Variants in PSD3 observed in about 807,000 individuals in gnomAD.
The protein encoded by PSD3 is PH and SEC7 domain-containing protein 3.
PSD3 carries 49 observed loss-of-function variants against 105.5 expected under a neutral mutation model. The observed-to-expected ratio is 0.46, with a 90% CI of 0.37 to 0.59. The LOEUF is 0.59. Among genes scored for constraint, PSD3 ranks in the 20% least tolerant of loss-of-function variants. The probability of loss-of-function intolerance (pLI) is 0.00; values close to 1 mark genes in which losing one functional copy is unlikely to be tolerated. For missense variants in PSD3, 1,561 were observed against 1,263.8 expected, an observed-to-expected ratio of 1.24 and a Z score of -3.57; for synonymous variants, 557 against 457.8, an observed-to-expected ratio of 1.22 and a Z score of -2.77.
At chr8:18,813,823 G>A (rs1259246492) in intron 4 of PSD3, among the ~76,000 whole-genome samples, 2 of 152,168 alleles carry the variant, frequency 1.3e-5, no homozygotes, top group Admixed American at 1.3e-4. Context: ...TTGTGAAGAT[G>A]AGATGAGAAG....
chr8:18,901,257 G>T lies in PSD3; in HGVS notation c.131-28524C>A, dbSNP rs573303374. 3.9e-5 allele frequency among the ~76,000 whole-genome samples: 6 copies of T among 152,196 alleles called. No homozygotes were observed. The South Asian group carries it at 1.2e-3, about 32-fold the overall frequency. ...CAAAAAATTAAACAACATATTTATTGTTTAAAATATTTGAATATAAGTGGA... is the reference window on the plus strand; with the variant it reads ...CAAAAAATTAAACAACATATTTATTTTTTAAAATATTTGAATATAAGTGGA... On this transcript the variant is annotated intron_variant, in intron 2 of 15. Coordinates refer to ENST00000327040, the MANE Select transcript of PSD3 (RefSeq NM_015310.4).
At chr8:18,603,878 C>T (rs958262277) in intron 11 of PSD3, among the ~76,000 whole-genome samples, 1 of 152,298 alleles carries the variant, frequency 6.6e-6, no homozygotes, top group East Asian at 1.9e-4. Context: ...TTTCCTGAGG[C>T]CTTCCCAGAA....
At chr8:18,595,961 C>A (rs1404758291) in intron 12 of PSD3, among the ~76,000 whole-genome samples, 1 of 152,006 alleles carries the variant, frequency 6.6e-6, no homozygotes, top group African/African-American at 2.4e-5. Flanking sequence ...ATATTCTTCT[C>A]AAGTGCACAT....
At chr8:18,705,366 C>T (rs886918438) in intron 9 of PSD3, among the ~76,000 whole-genome samples, 13 of 151,310 alleles carry the variant, frequency 8.6e-5, no homozygotes, top group African/African-American at 3.2e-4. Context: ...GGTGCCTATA[C>T]AAAAAAATAG....
chr8:18,893,443 G>A (rs578077043), intron 2 of PSD3, among the ~76,000 whole-genome samples: 9 of 152,212 alleles, frequency 5.9e-5, no homozygotes, highest in Non-Finnish European at 8.8e-5. Flanking sequence ...TTGATTTCCA[G>A]CTAGCCTTTG....
At chr8:19,057,624 T>C (rs73206442) in intron 1 of PSD3, among the ~76,000 whole-genome samples, 9,608 of 152,214 alleles carry the variant, frequency 0.063, 425 homozygotes, top group Middle Eastern at 0.17. Flanking sequence ...GGGACCCTGC[T>C]AAACATTTGC....
chr8:18,919,223 C>G (rs1056474523), intron 2 of PSD3, among the ~76,000 whole-genome samples: 1 of 152,178 alleles, frequency 6.6e-6, no homozygotes, highest in African/African-American at 2.4e-5. Context: ...CCCTTTCAAA[C>G]AAGCTGACTG....
At position 18,613,129 on chromosome 8, in the gene PSD3, A is replaced by C. The variant is rs560991203; in HGVS notation, c.2411-12695T>G. 3.9e-5 allele frequency among the ~76,000 whole-genome samples: 6 copies of C among 152,124 alleles called. No individual in the cohort carries two copies. In the South Asian group the frequency reaches 1.0e-3, roughly 26 times the overall value. On this transcript the variant is annotated intron_variant, in intron 11 of 15. Transcript: ENST00000327040. The stretch of plus-strand genomic sequence containing the variant: ...CATTTTTTTCAGGAAAAATATAAAC[A>C]CCAGTGATAGAGACAGGAGGCAGCC...
intron 8 of PSD3, among the ~76,000 whole-genome samples, chr8:18,770,888 T>G (rs9644613): frequency 0.025 from 3,735 of 152,202 alleles, 160 homozygotes; most frequent in East Asian, 0.14. Context: ...AGAAAAGAGG[T>G]TGCACAAACA....
At chr8:19,037,614 G>A (rs1827987300) in intron 1 of PSD3, among the ~76,000 whole-genome samples, 2 of 152,288 alleles carry the variant, frequency 1.3e-5, no homozygotes, top group Middle Eastern at 3.4e-3. Flanking sequence ...GTCCAGTTTG[G>A]TGAGGGCCTG....
At chr8:18,677,405 C>G (rs1384604954) in intron 9 of PSD3, among the ~76,000 whole-genome samples, 17 of 151,972 alleles carry the variant, frequency 1.1e-4, no homozygotes, top group African/African-American at 4.1e-4. Flanking sequence ...TGGCAAAAAC[C>G]CATCTCTATT....
intron 9 of PSD3, among the ~76,000 whole-genome samples, chr8:18,731,262 C>CA (rs1396359944): frequency 6.6e-6 from 1 of 151,964 alleles, no homozygotes; most frequent in East Asian, 1.9e-4. Flanking sequence ...GTCTCAAAAA[C>CA]AAAAAACAAA....
chr8:18,742,629 TAA>T (rs1246874544), intron 9 of PSD3, among the ~76,000 whole-genome samples: 2 of 152,202 alleles, frequency 1.3e-5, no homozygotes, highest in African/African-American at 4.8e-5. Context: ...CATCACCACC[TAA>T]AGATTAAAAA....
chr8:18,655,474 G>C (rs1037590618), intron 10 of PSD3, among the ~76,000 whole-genome samples, 168 bp downstream of exon 10: 1 of 152,092 alleles, frequency 6.6e-6, no homozygotes, highest in South Asian at 2.1e-4. Flanking sequence ...GGTTTTACTT[G>C]TATCTGGGTT....
intron 1 of PSD3, among the ~76,000 whole-genome samples, chr8:18,945,935 T>G (rs557211793): frequency 2.7e-4 from 41 of 152,170 alleles, no homozygotes; most frequent in Non-Finnish European, 5.7e-4. Context: ...GATCGCGCCA[T>G]GCACTCCAGC....
At chr8:18,909,947 C>A (rs537367290) in intron 2 of PSD3, among the ~76,000 whole-genome samples, 138 of 152,152 alleles carry the variant, frequency 9.1e-4, no homozygotes, top group Non-Finnish European at 1.5e-3. Context: ...CTGGAAGTTA[C>A]AGCGAAAGGA....
In PSD3 at chr8:18,748,616, C is replaced by A. The variant is rs575473459; in HGVS notation, c.2172+16833G>T. On this transcript the variant is annotated intron_variant, in intron 9 of 15. Transcript: ENST00000327040. ...CAGAGCTTGCAGTGAGCTGAGATCG[C>A]GCCACTGCACTCCAGCCTGGGCGAC... 2.7e-5 allele frequency among the ~76,000 whole-genome samples: 4 copies of A among 147,172 alleles called. No individual in the cohort carries two copies. The Admixed American group carries it at 2.8e-4, about 10-fold the overall frequency.
chr8:18,991,418 G>T (rs1398663554), intron 1 of PSD3, among the ~76,000 whole-genome samples: 1 of 149,292 alleles, frequency 6.7e-6, no homozygotes, highest in East Asian at 2.0e-4. Flanking sequence ...AACTCCCTGG[G>T]GAGGTTTCAC....
At chr8:18,857,555 A>G (rs1290803480) in intron 4 of PSD3, among the ~76,000 whole-genome samples, 4 of 152,248 alleles carry the variant, frequency 2.6e-5, no homozygotes, top group African/African-American at 9.6e-5. Flanking sequence ...TGAGAAGCTT[A>G]CAGAGCTCCC....
Sources: gnomAD v4.1 joint callset for allele counts (sites outside exome capture counted in the v4.1 genomes callset) on GRCh38, gnomAD v4.1.1 for gene constraint, MANE v1.5 for transcripts, NCBI Gene and HGNC (gene_info 2026-07-23, HGNC 2026-07-21) for gene names.